Variants in AGPAT5 observed in about 807,000 individuals in gnomAD.
AGPAT5 encodes the protein 1-acyl-sn-glycerol-3-phosphate acyltransferase epsilon.
Under a neutral mutation model 45.6 loss-of-function variants are expected in AGPAT5, and 46 were observed. The ratio of observed to expected loss-of-function variants is 1.01; its 90% confidence interval spans 0.80 to 1.29. The LOEUF is 1.29. Among genes scored for constraint, AGPAT5 ranks in the 50% most tolerant of loss-of-function variants. The pLI is 0.00. For synonymous variants in AGPAT5, 272 were observed against 167.0 expected (o/e 1.63, Z -4.85); for missense variants, 673 against 450.7 (o/e 1.49, Z -4.47).
chr8:6,754,075 C>T (rs1801746038), intron 6 of AGPAT5, among the ~76,000 whole-genome samples: 1 of 152,168 alleles, frequency 6.6e-6, no homozygotes, highest in Non-Finnish European at 1.5e-5. Flanking sequence ...CTCGGCATAC[C>T]TCCCTACCTT....
rs759517601 is a variant in AGPAT5, at chr8:6,708,767, G to C, written c.99G>C (p.Gly33=). 2.7e-5 allele frequency: 43 copies of C among 1,608,640 alleles called. No homozygotes were observed. Among genetic ancestry groups the C allele is most frequent in the Middle Eastern group, 1.6e-4 (1 of 6,078 alleles). ...GTAPTYVLAW[G]VWRLLSAFLP... is the part of the protein sequence containing the mutation. ...CGCCCACCTACGTGTTGGCCTGGGG[G>C]GTCTGGCGGCTGCTCTCCGCCTTCC... The change falls in exon 1 of 8, where the codon GGG becomes GGC. Residue 33 remains glycine, a synonymous_variant. Transcript: ENST00000285518.
chr8:6,740,792 G>A (rs998876928), intron 4 of AGPAT5, among the ~76,000 whole-genome samples: 16 of 152,014 alleles, frequency 1.1e-4, no homozygotes, highest in African/African-American at 3.9e-4. Flanking sequence ...AGTACTGTCT[G>A]AGATCTGGCA....
At chr8:6,740,013 T>G (rs1587043685) in intron 4 of AGPAT5, among the ~76,000 whole-genome samples, 1 of 152,244 alleles carries the variant, frequency 6.6e-6, no homozygotes, top group East Asian at 1.9e-4. Flanking sequence ...TCCTCACTTG[T>G]CCATGAAGGG....
intron 2 of AGPAT5, among the ~76,000 whole-genome samples, chr8:6,728,651 A>G (rs1383729163): frequency 6.6e-6 from 1 of 152,246 alleles, no homozygotes; most frequent in African/African-American, 2.4e-5. Context: ...TATTGCAGGA[A>G]AAAATGCTAA....
chr8:6,751,917 G>C (rs529105566), intron 6 of AGPAT5, among the ~76,000 whole-genome samples: 1 of 151,590 alleles, frequency 6.6e-6, no homozygotes, highest in Admixed American at 6.6e-5. Context: ...AGTGGCTCAC[G>C]CGTGTAATCC....
chr8:6,756,990 T>C (rs572975148), intron 7 of AGPAT5, among the ~76,000 whole-genome samples, 173 bp from the exon 8 acceptor site: 1 of 152,362 alleles, frequency 6.6e-6, no homozygotes, highest in East Asian at 1.9e-4. Flanking sequence ...ATTAAAGATA[T>C]TTTAGAAGAC....
At chr8:6,749,796 A>G (rs1801599671) in intron 6 of AGPAT5, among the ~76,000 whole-genome samples, 1 of 152,246 alleles carries the variant, frequency 6.6e-6, no homozygotes, top group African/African-American at 2.4e-5. Flanking sequence ...TAGACTCCCC[A>G]TAATAACCTT....
At chr8:6,710,507 G>A (rs983938393) in intron 1 of AGPAT5, among the ~76,000 whole-genome samples, 3 of 152,168 alleles carry the variant, frequency 2.0e-5, no homozygotes, top group South Asian at 2.1e-4. Context: ...GTCGTAGAAC[G>A]AACTGATTGC....
At chr8:6,717,509 A>T (rs79453618) in intron 1 of AGPAT5, among the ~76,000 whole-genome samples, 4,889 of 152,340 alleles carry the variant, frequency 0.032, 132 homozygotes, top group African/African-American at 0.07. Context: ...GTAACACATA[A>T]TTTAGCAGTG....
In AGPAT5 at chr8:6,725,004, C is replaced by T. The variant is rs1380727781; in HGVS notation, c.289+65C>T. The T allele has an allele frequency of 7.4e-5, 41 of 551,348 alleles. No homozygotes were observed. In the Admixed American group the frequency reaches 1.4e-3, roughly 19 times the overall value. 34.2% of individuals were successfully genotyped at this position (551,348 alleles called of 1,614,324 possible). A position where few individuals can be genotyped will look rare whatever the true frequency, so the allele number is the denominator to read the frequency against. Reference sequence around the variant, plus strand: ...GATGGCACATGGGCATTCAAAATACCGTTCTTATATTTAAATGAAGTGGGT... The same window carrying T: ...GATGGCACATGGGCATTCAAAATACTGTTCTTATATTTAAATGAAGTGGGT... On this transcript the variant is annotated intron_variant, in intron 2 of 7. Coordinates refer to ENST00000285518, the MANE Select transcript of AGPAT5 (RefSeq NM_018361.5).
At chr8:6,732,457 A>C in intron 3 of AGPAT5, 104 bp from the exon 4 acceptor site, 1 of 711,652 alleles carries the variant, frequency 1.4e-6, no homozygotes, top group Non-Finnish European at 2.2e-6. Context: ...TCTGAAATGT[A>C]GTTTTCATTC....
Position 6,760,134 on chromosome 8 carries a change from T to C in AGPAT5, c.*2746T>C, listed in dbSNP as rs1420124905. On this transcript the variant is annotated 3_prime_UTR_variant, in exon 8 of 8. Transcript: ENST00000285518. The stretch of plus-strand genomic sequence containing the variant: ...ATTATATTCTTTGAATAGGTCTGTG[T>C]CAATCAAGTGATCTAACTAGACTGA... Among the ~76,000 whole-genome samples the C allele has an allele frequency of 6.6e-6, 1 of 152,192 alleles. No homozygotes were observed. The highest frequency in any genetic ancestry group is 1.5e-5 in the Non-Finnish European group (1 of 68,044).
intron 1 of AGPAT5, among the ~76,000 whole-genome samples, chr8:6,721,976 C>A (rs1800518673): frequency 6.6e-6 from 1 of 151,942 alleles, no homozygotes; most frequent in Non-Finnish European, 1.5e-5. Flanking sequence ...TATAGGTGTG[C>A]TCCTCTGTGC....
At chr8:6,757,071 C>T in intron 7 of AGPAT5, 92 bp from the exon 8 acceptor site, 3 of 951,050 alleles carry the variant, frequency 3.2e-6, no homozygotes, top group Non-Finnish European at 3.1e-6. Context: ...ACCTGCATAA[C>T]TTTTCCAGCG....
chr8:6,748,487 T>C (rs1360327851), intron 6 of AGPAT5, among the ~76,000 whole-genome samples: 3 of 152,038 alleles, frequency 2.0e-5, no homozygotes, highest in African/African-American at 7.2e-5. Context: ...AACACTAGGC[T>C]TCATGGGGTT....
intron 1 of AGPAT5, among the ~76,000 whole-genome samples, chr8:6,720,648 C>G (rs140068028): frequency 2.2e-4 from 34 of 152,248 alleles, no homozygotes; most frequent in African/African-American, 8.2e-4. Context: ...TGCTGTTTAA[C>G]CAAGAGAAAA....
intron 1 of AGPAT5, chr8:6,709,238 A>G: frequency 2.9e-6 from 1 of 342,834 alleles, no homozygotes; most frequent in Non-Finnish European, 5.5e-6. Flanking sequence ...AGAGGTGGTC[A>G]TGTTGGAACA....
intron 6 of AGPAT5, among the ~76,000 whole-genome samples, chr8:6,752,091 C>T (rs1011144699): frequency 1.1e-4 from 16 of 152,180 alleles, no homozygotes; most frequent in African/African-American, 3.4e-4. Context: ...GTAGGGGAAT[C>T]ACTTGAATCC....
chr8:6,743,791 C>T (rs922812249), intron 5 of AGPAT5, among the ~76,000 whole-genome samples: 4 of 151,160 alleles, frequency 2.6e-5, no homozygotes, highest in Non-Finnish European at 5.9e-5. Flanking sequence ...TTTTAATTGC[C>T]ATGGTTAAAA....
Sources: gnomAD v4.1 joint callset for allele counts (sites outside exome capture counted in the v4.1 genomes callset) on GRCh38, gnomAD v4.1.1 for gene constraint, MANE v1.5 for transcripts, NCBI Gene and HGNC (gene_info 2026-07-23, HGNC 2026-07-21) for gene names.